The following RND3 variants were observed in gnomAD, a reference collection of about 807,000 sequenced individuals.
RND3 encodes rho-related GTP-binding protein RhoE.
Under a neutral mutation model 26.5 loss-of-function variants are expected in RND3, and 8 were observed. The observed-to-expected ratio is 0.30, with a 90% CI of 0.18 to 0.54. The LOEUF (loss-of-function observed/expected upper bound fraction) is 0.54. RND3 is among the 20% of genes least tolerant of loss of function. The pLI, the probability that RND3 is intolerant of heterozygous loss-of-function variation, is 0.94. For synonymous variants in RND3, 113 were observed against 113.0 expected (o/e 1.00, Z 0.00); for missense variants, 207 against 302.8 (o/e 0.68, Z 2.35).
rs1686038248 is a variant in RND3, at chr2:150,469,072, C to T, written c.*915G>A. On this transcript the variant is annotated 3_prime_UTR_variant, in exon 6 of 6. Transcript: ENST00000263895. ...TGCTTTCTGCTACTATTCTTTCCTT[C>T]ACTCATTACCTTTTCTGGTGAAAAC... 1.3e-5 allele frequency: 2 copies of T among 152,630 alleles called. No homozygotes were observed. The highest frequency in any genetic ancestry group is 4.8e-5 in the African/African-American group (2 of 41,450). The allele number at this position is 152,630 out of a possible 1,614,324, so 9.5% of individuals were successfully genotyped here.
At chr2:150,471,428 A>G (rs924632735) in intron 5 of RND3, among the ~76,000 whole-genome samples, 199 bp downstream of exon 5, 13 of 152,242 alleles carry the variant, frequency 8.5e-5, no homozygotes, top group African/African-American at 2.9e-4. Flanking sequence ...GCAGAAATAT[A>G]CAAGGTTAGC....
intron 4 of RND3, among the ~76,000 whole-genome samples, chr2:150,472,545 C>G (rs1319204927): frequency 6.6e-6 from 1 of 152,168 alleles, no homozygotes; most frequent in Non-Finnish European, 1.5e-5. Context: ...AACAAGCAAG[C>G]AGCTTTTTGT....
intron 4 of RND3, 124 bp from the exon 5 acceptor site, chr2:150,471,885 C>T (rs1686093082): frequency 1.3e-6 from 1 of 796,388 alleles, no homozygotes; most frequent in East Asian, 2.7e-5. Context: ...ATGGAGTGTC[C>T]CTTGAGATGA....
chr2:150,485,770 C>A (rs1558872585), intron 3 of RND3, among the ~76,000 whole-genome samples: 1 of 152,088 alleles, frequency 6.6e-6, no homozygotes, highest in Admixed American at 6.5e-5. Flanking sequence ...GCCGGGGGGC[C>A]GGATGCCTTC....
chr2:150,474,395 T>C (rs1373116229), intron 4 of RND3, among the ~76,000 whole-genome samples: 2 of 152,204 alleles, frequency 1.3e-5, no homozygotes, highest in Admixed American at 1.3e-4. Context: ...CAATTCACAT[T>C]GGACACATCC....
At chr2:150,473,372 T>C (rs1298006351) in intron 4 of RND3, among the ~76,000 whole-genome samples, 1 of 152,166 alleles carries the variant, frequency 6.6e-6, no homozygotes. Flanking sequence ...CTTTTCATCA[T>C]AAATTATGCA....
Position 150,471,724 on chromosome 2 carries a change from T to G in RND3, c.386A>C (p.Lys129Thr). The G allele has an allele frequency of 6.2e-7, 1 of 1,613,338 alleles. No homozygotes were observed. The highest frequency in any genetic ancestry group is 8.5e-7 in the Non-Finnish European group (1 of 1,179,564). The part of the protein sequence containing the change: ...GEIQEFCPNT[K>T]MLLVGCKSDL... ...AGACTTGCAGCCGACCAAGAGCATT[T>G]TGGTATTTGGACAAAATTCCTGGAT... is the stretch of plus-strand genomic sequence containing the variant. Residue 129 changes from lysine to threonine, a missense_variant, in exon 5 of 6, where the codon AAA (lysine) becomes ACA (threonine). Transcript: ENST00000263895.
chr2:150,484,247 G>C (rs1245169356), intron 3 of RND3, among the ~76,000 whole-genome samples: 1 of 152,234 alleles, frequency 6.6e-6, no homozygotes, highest in Non-Finnish European at 1.5e-5. Context: ...GAACTGCAGA[G>C]TTTTGATTAA....
rs1209075662 is a variant in RND3 at position 150,469,365 on chromosome 2, A to G, written c.*622T>C. ...GGTCTACAAATCTTGCAAGATTGCA[A>G]AGGCTTTCCTTAGAACCATCCTACT... On this transcript the variant is annotated 3_prime_UTR_variant, in exon 6 of 6. Transcript: ENST00000263895. 1 of 152,634 alleles carries G rather than the reference A, an allele frequency of 6.6e-6. No homozygotes were observed. Among genetic ancestry groups the G allele is most frequent in the Non-Finnish European group, 1.5e-5 (1 of 68,070 alleles). 9.5% of individuals were successfully genotyped at this position (152,634 alleles called of 1,614,324 possible). A position where few individuals can be genotyped will look rare whatever the true frequency, so the allele number is the denominator to read the frequency against.
In RND3 at chr2:150,468,692, A is replaced by T. The variant is rs1373022452; in HGVS notation, c.*1295T>A. 2 of 152,640 alleles carry T rather than the reference A, an allele frequency of 1.3e-5. No individual in the cohort carries two copies. Among genetic ancestry groups the T allele is most frequent in the Non-Finnish European group, 1.5e-5 (1 of 68,038 alleles). 9.5% of individuals were successfully genotyped at this position (152,640 alleles called of 1,614,324 possible). ...CTTCTCTGAAAGAATCTCTAAAAGG[A>T]ACTGGTCAAAAATATCTGTAAACTA... On this transcript the variant is annotated 3_prime_UTR_variant, in exon 6 of 6. Transcript: ENST00000263895.
intron 3 of RND3, among the ~76,000 whole-genome samples, chr2:150,478,547 A>G (rs1344691377): frequency 1.3e-5 from 2 of 149,954 alleles, no homozygotes; most frequent in African/African-American, 5.0e-5. Flanking sequence ...TCCCTCCAGA[A>G]AAGTCTTACA....
chr2:150,476,650 T>C (rs1396635097), intron 3 of RND3, among the ~76,000 whole-genome samples: 1 of 152,196 alleles, frequency 6.6e-6, no homozygotes, highest in African/African-American at 2.4e-5. Context: ...AGCTGAAAGA[T>C]ATTTCCCAGA....
rs767808999 is a variant in RND3 at position 150,487,292 on chromosome 2, G to A, written c.126C>T (p.Val42=). Residue 42 remains valine (V), a synonymous_variant, in exon 2 of 6, where the codon GTC becomes GTT. Transcript: ENST00000263895. ...SQCGKTALLH[V]FAKDCFPENY... The stretch of plus-strand genomic sequence containing the variant: ...CCTCGGGGAAGCAGTCCTTGGCGAA[G>A]ACATGGAGCAGCGCAGTTTTTCCAC... The A allele has an allele frequency of 6.3e-7, 1 of 1,598,526 alleles. No homozygotes were observed. Among genetic ancestry groups the A allele is most frequent in the Non-Finnish European group, 8.5e-7 (1 of 1,172,270 alleles).
intron 3 of RND3, among the ~76,000 whole-genome samples, chr2:150,475,962 T>C (rs571230456): frequency 2.0e-5 from 3 of 152,298 alleles, no homozygotes; most frequent in African/African-American, 7.2e-5. Context: ...GGATGGGCAA[T>C]TACATGAGGC....
chr2:150,471,765 T>G lies in RND3; in HGVS notation c.349-4A>C. The G allele has an allele frequency of 6.9e-7, 1 of 1,454,142 alleles. No individual in the cohort carries two copies. Among genetic ancestry groups the G allele is most frequent in the Non-Finnish European group, 9.0e-7 (1 of 1,107,628 alleles). 90.1% of individuals were successfully genotyped at this position (1,454,142 alleles called of 1,614,324 possible). Reference sequence around the variant, plus strand: ...ATTCCTGGATTTCACCTTTCCACTATGAAAGAAAAAAAAAAAAGATTAAAA... The same window carrying G: ...ATTCCTGGATTTCACCTTTCCACTAGGAAAGAAAAAAAAAAAAGATTAAAA... On this transcript the variant is annotated splice_region_variant and splice_polypyrimidine_tract_variant and intron_variant, in intron 4 of 5. Transcript: ENST00000263895.
chr2:150,470,533 C>A (rs1686069673), intron 5 of RND3, among the ~76,000 whole-genome samples: 1 of 152,014 alleles, frequency 6.6e-6, no homozygotes, highest in African/African-American at 2.4e-5. Flanking sequence ...AAAGGAAGAC[C>A]CTGGTTATCA....
intron 3 of RND3, 143 bp from the exon 4 acceptor site, chr2:150,475,127 A>T: frequency 1.7e-6 from 1 of 586,550 alleles, no homozygotes; most frequent in Non-Finnish European, 3.1e-6. Flanking sequence ...AAAAGAATTC[A>T]AACAGACACA....
intron 4 of RND3, among the ~76,000 whole-genome samples, chr2:150,473,918 C>G (rs771770242): frequency 6.6e-6 from 1 of 152,244 alleles, no homozygotes; most frequent in Non-Finnish European, 1.5e-5. Flanking sequence ...TGGGTCACCC[C>G]TCAGTTGACA....
At chr2:150,472,953 C>T (rs891606374) in intron 4 of RND3, among the ~76,000 whole-genome samples, 1 of 152,008 alleles carries the variant, frequency 6.6e-6, no homozygotes, top group South Asian at 2.1e-4. Context: ...GAGTAATATA[C>T]TTTCCATAAG....
Sources: gnomAD v4.1 joint callset for allele counts (sites outside exome capture counted in the v4.1 genomes callset) on GRCh38, gnomAD v4.1.1 for gene constraint, MANE v1.5 for transcripts, NCBI Gene and HGNC (gene_info 2026-07-23, HGNC 2026-07-21) for gene names.